Variants in MOV10L1 observed in about 807,000 individuals in gnomAD.
The protein encoded by MOV10L1 is Mov10 like RNA helicase 1, also known as RNA helicase Mov10l1.
A neutral mutation model predicts 143.8 loss-of-function variants in MOV10L1; 110 were observed. The ratio of observed to expected loss-of-function variants is 0.76; its 90% CI spans 0.66 to 0.90. MOV10L1 has a LOEUF of 0.90. Ranked by LOEUF, MOV10L1 falls within the 40% of genes least tolerant of loss-of-function variation. The pLI, the probability that MOV10L1 is intolerant of heterozygous loss-of-function variation, is 0.00. For synonymous variants in MOV10L1, 593 were observed against 581.1 expected (o/e 1.02, Z -0.29); for missense variants, 1,406 against 1,526.8 (o/e 0.92, Z 1.32).
chr22:50,111,847 A>T (rs932323074), intron 5 of MOV10L1, among the ~76,000 whole-genome samples: 6 of 151,988 alleles, frequency 3.9e-5, no homozygotes, highest in African/African-American at 1.5e-4. Context: ...ACCACCAGTG[A>T]GCTTCTGAGA....
intron 22 of MOV10L1, among the ~76,000 whole-genome samples, chr22:50,153,938 G>A (rs111939662): frequency 1.9e-4 from 29 of 152,194 alleles, no homozygotes; most frequent in Admixed American, 3.3e-4. Context: ...CACGGGCCCC[G>A]GAGGACAGGG....
intron 18 of MOV10L1, among the ~76,000 whole-genome samples, chr22:50,144,500 C>T (rs1035854672): frequency 6.6e-6 from 1 of 152,236 alleles, no homozygotes; most frequent in Non-Finnish European, 1.5e-5. Flanking sequence ...GTAAAATTAT[C>T]ACATTCCTCT....
At chr22:50,135,313 T>C (rs2062794298) in intron 15 of MOV10L1, among the ~76,000 whole-genome samples, 1 of 151,608 alleles carries the variant, frequency 6.6e-6, no homozygotes, top group South Asian at 2.1e-4. Context: ...CACCCGGCCT[T>C]AGAGTTTTAT....
intron 10 of MOV10L1, among the ~76,000 whole-genome samples, chr22:50,125,113 G>T (rs2062460400): frequency 6.6e-6 from 1 of 152,220 alleles, no homozygotes; most frequent in Non-Finnish European, 1.5e-5. Flanking sequence ...CTGAAAAAGA[G>T]CAGGGAGGGT....
intron 16 of MOV10L1, 73 bp downstream of exon 16, chr22:50,142,262 T>G (rs1334539048): frequency 5.7e-6 from 7 of 1,229,416 alleles, no homozygotes; most frequent in African/African-American, 1.5e-5. Context: ...CTTTGAGGAG[T>G]GGGCTCTCAT....
intron 11 of MOV10L1, among the ~76,000 whole-genome samples, 188 bp from the exon 12 acceptor site, chr22:50,126,014 G>A (rs1190598088): frequency 1.3e-5 from 2 of 151,380 alleles, no homozygotes; most frequent in Non-Finnish European, 2.9e-5. Context: ...GGATGGTCTC[G>A]ATCCCCTGAC....
In MOV10L1 at chr22:50,158,076, GA is replaced by G; in HGVS notation, c.3091del (p.Ser1031AlafsTer55). On this transcript the variant is annotated frameshift_variant, in exon 23 of 27. Transcript: ENST00000262794. LOFTEE classifies it high-confidence loss of function. The surrounding 1 kb of genome is among the most constrained non-coding windows in gnomAD (Gnocchi z 5.0). ...ACCCAGGGCAGCGAGGCACGGGAGG[GA>G]AAAAGCCCATCGTGGTTCAACCCGG... ...HGVRGSEAREGKSPSWFNPAE... is the reference protein window; with the variant it reads ...HGVRGSEAREXKSPSWFNPAE... 6.2e-7 allele frequency: 1 copy of G among 1,613,962 alleles called. No individual in the cohort carries two copies. The highest frequency in any genetic ancestry group is 1.1e-5 in the South Asian group (1 of 91,062).
chr22:50,124,374 A>T (rs4838840), intron 10 of MOV10L1, among the ~76,000 whole-genome samples: 11 of 152,206 alleles, frequency 7.2e-5, no homozygotes, highest in Admixed American at 2.0e-4. Context: ...GCTCTTTTGC[A>T]CATAACGTTG....
chr22:50,110,948 TA>T (rs747767390), intron 5 of MOV10L1, among the ~76,000 whole-genome samples: 180 of 151,700 alleles, frequency 1.2e-3, no homozygotes, highest in Non-Finnish European at 1.1e-3. Flanking sequence ...AAAAAAAAAT[TA>T]TTAGATTTCC....
At chr22:50,123,450 G>A (rs1039052635) in intron 10 of MOV10L1, among the ~76,000 whole-genome samples, 12 of 152,142 alleles carry the variant, frequency 7.9e-5, no homozygotes, top group East Asian at 7.7e-4. Flanking sequence ...CTGCAGCCTC[G>A]AGCTCCTGGG....
rs763534299 is a variant in MOV10L1, at chr22:50,144,172, C to T, written c.2434C>T (p.Arg812Trp). Reference sequence around the variant, plus strand: ...CAGTGCTGCTGACCTCGTGTGTCTGCGGCTGCACGAGAGCAAGGTGCTACA... The same window carrying T: ...CAGTGCTGCTGACCTCGTGTGTCTGTGGCTGCACGAGAGCAAGGTGCTACA... The part of the protein sequence containing the change: ...SNSAADLVCL[R>W]LHESKVLQPA... The change falls in exon 18 of 27, where the codon CGG (arginine) becomes TGG (tryptophan). Residue 812 changes from arginine (R) to tryptophan (W), a missense_variant. This residue lies in a region of MOV10L1 where 1,233 missense variants were observed against 1,351.4 expected (regional missense o/e 0.91). Transcript: ENST00000262794. 16 of 1,613,194 alleles carry T rather than the reference C, an allele frequency of 9.9e-6. 1 individual carries two copies. The highest frequency in any genetic ancestry group is 2.2e-5 in the South Asian group (2 of 91,076).
Position 50,108,211 on chromosome 22 carries a change from C to A in MOV10L1, c.518C>A (p.Thr173Asn). The change falls in exon 4 of 27, where the codon ACC (threonine) becomes AAC (asparagine). Residue 173 changes from threonine (T) to asparagine (N), a missense_variant. Thr to Asn is a moderately conservative substitution (Grantham distance 65). This residue lies in a region of MOV10L1 where 1,233 missense variants were observed against 1,351.4 expected (regional missense o/e 0.91). Coordinates refer to ENST00000262794, the MANE Select transcript of MOV10L1 (RefSeq NM_018995.3). Reference sequence around the variant, plus strand: ...CCTGGCACGTGGAGCAGCGAAGCCACCTCAGTGAAGCCACTGAGATACAAG... The same window carrying A: ...CCTGGCACGTGGAGCAGCGAAGCCAACTCAGTGAAGCCACTGAGATACAAG... ...IRPGTWSSEATSVKPLRYKRV... is the reference protein window; with the variant it reads ...IRPGTWSSEANSVKPLRYKRV... 6.2e-7 allele frequency: 1 copy of A among 1,614,080 alleles called. No individual in the cohort carries two copies. Among genetic ancestry groups the A allele is most frequent in the Non-Finnish European group, 8.5e-7 (1 of 1,180,028 alleles).
intron 10 of MOV10L1, among the ~76,000 whole-genome samples, chr22:50,123,286 C>T (rs1044955457): frequency 6.6e-6 from 1 of 151,164 alleles, no homozygotes; most frequent in African/African-American, 2.4e-5. Context: ...TGTGTTGCTA[C>T]AGTAATTGAT....
rs1476963727 is a variant in MOV10L1 at position 50,134,560 on chromosome 22, C to T, written c.2000C>T (p.Ser667Phe). ...TTTCCAGAAGAAATTATTTTACAGT[C>T]TCCACAAGTGACGGGAAATTGGAAC... ...VLFPEEIILQ[S>F]PQVTGNWNHA... Residue 667 changes from serine to phenylalanine, a missense_variant, in exon 15 of 27, where the codon TCT becomes TTT. Ser to Phe is a radical substitution (Grantham distance 155). Around this residue, in one of 3 missense-constraint regions of MOV10L1, gnomAD observed 1,233 missense variants for 1,351.4 expected, o/e 0.91. Coordinates refer to ENST00000262794, the MANE Select transcript of MOV10L1 (RefSeq NM_018995.3). 3 of 1,614,138 alleles carry T rather than the reference C, an allele frequency of 1.9e-6. No homozygotes were observed. The highest frequency in any genetic ancestry group is 2.7e-5 in the African/African-American group (2 of 75,028).
rs564968001 is a variant in MOV10L1, at chr22:50,135,608, G to A, written c.2070+978G>A. ...TCTACTAAAAATCCAAAAATTAGCC[G>A]GGCATGATGGTGTACACCTGTAATC... On this transcript the variant is annotated intron_variant, in intron 15 of 26. Transcript: ENST00000262794. 5.3e-5 allele frequency among the ~76,000 whole-genome samples: 8 copies of A among 151,854 alleles called. No homozygotes were observed. The South Asian group carries it at 6.3e-4, about 12-fold the overall frequency.
chr22:50,155,962 G>C (rs1396498001), intron 22 of MOV10L1, among the ~76,000 whole-genome samples: 1 of 152,122 alleles, frequency 6.6e-6, no homozygotes, highest in East Asian at 1.9e-4. Flanking sequence ...GAGGTGGGAG[G>C]ATCACCTGAG....
chr22:50,141,062 T>G (rs896200173), intron 15 of MOV10L1, among the ~76,000 whole-genome samples: 16 of 152,242 alleles, frequency 1.1e-4, no homozygotes, highest in Admixed American at 2.0e-4. Flanking sequence ...CTTTTTTTTT[T>G]TTGTTTTGAG....
intron 13 of MOV10L1, among the ~76,000 whole-genome samples, chr22:50,131,734 AAG>A (rs71317001): frequency 0.12 from 18,065 of 149,006 alleles, 1,289 homozygotes; most frequent in Admixed American, 0.21. Flanking sequence ...AAAAAAAAAA[AAG>A]AAAATCAGTT....
chr22:50,130,115 A>G (rs1158809413), intron 13 of MOV10L1, among the ~76,000 whole-genome samples: 1 of 152,076 alleles, frequency 6.6e-6, no homozygotes, highest in East Asian at 1.9e-4. Flanking sequence ...GTCTCTACTA[A>G]AAATACAAAA....
Sources: gnomAD v4.1 joint callset for allele counts (sites outside exome capture counted in the v4.1 genomes callset) on GRCh38, gnomAD v4.1.1 for gene constraint, gnomAD v4.1.1 regional missense constraint, Gnocchi (gnomAD v3.1) non-coding constraint, MANE v1.5 for transcripts, NCBI Gene and HGNC (gene_info 2026-07-23, HGNC 2026-07-21) for gene names.